GCKR: variants seen among roughly 807,000 people sequenced by gnomAD.
GCKR encodes glucokinase regulator, also known as glucokinase regulatory protein.
A neutral mutation model predicts 82.9 loss-of-function variants in GCKR; 73 were observed. The observed-to-expected ratio is 0.88, with a 90% CI of 0.73 to 1.07. The LOEUF is 1.07. GCKR is among the 50% of genes least tolerant of loss of function. The pLI is 0.00. For missense variants in GCKR, 784 were observed against 782.1 expected (o/e 1.00, Z -0.03); for synonymous variants, 294 against 291.8 (o/e 1.01, Z -0.08).
intron 12 of GCKR, 120 bp downstream of exon 12, chr2:27,507,005 C>A: frequency 1.3e-6 from 1 of 795,860 alleles, no homozygotes; most frequent in Non-Finnish European, 2.3e-6. Context: ...CCTTCCCTAT[C>A]TAAATAGGCA....
intron 2 of GCKR, 75 bp from the exon 3 acceptor site, chr2:27,497,487 C>A: frequency 2.5e-6 from 4 of 1,575,870 alleles, no homozygotes; most frequent in Non-Finnish European, 3.5e-6. Flanking sequence ...CTCCTAATAT[C>A]GGAAACCCTG....
At chr2:27,519,422 C>T (rs1670092895) in intron 17 of GCKR, among the ~76,000 whole-genome samples, 1 of 152,044 alleles carries the variant, frequency 6.6e-6, no homozygotes, top group South Asian at 2.1e-4. Context: ...CTGCCTCAGC[C>T]TCCCGAGTAG....
At chr2:27,522,895 CTG>C (rs1480713441) in intron 18 of GCKR, among the ~76,000 whole-genome samples, 2 of 128,142 alleles carry the variant, frequency 1.6e-5, no homozygotes, top group African/African-American at 3.0e-5. Flanking sequence ...CTCCAGGGTT[CTG>C]TTTTTTTTTT....
At chr2:27,507,548 T>C (rs1211167787) in intron 13 of GCKR, 133 bp from the exon 14 acceptor site, 22 of 712,678 alleles carry the variant, frequency 3.1e-5, no homozygotes, top group Non-Finnish European at 4.9e-5. Context: ...GGCAAAACAC[T>C]GTACCTTTTG....
intron 16 of GCKR, among the ~76,000 whole-genome samples, chr2:27,515,033 A>T (rs8179229): frequency 0.39 from 58,968 of 150,762 alleles, 11,751 homozygotes; most frequent in South Asian, 0.45. Context: ...GCTGGAGTGC[A>T]GTGATGTGAT....
At chr2:27,518,461 G>A (rs1250062492) in intron 16 of GCKR, among the ~76,000 whole-genome samples, 4 of 152,172 alleles carry the variant, frequency 2.6e-5, no homozygotes, top group Non-Finnish European at 5.9e-5. Context: ...TTAGTGGAAT[G>A]AATCCCACTC....
rs567193376 is a variant in GCKR at position 27,498,613 on chromosome 2, G to C, written c.355-111G>C. ...GAGATTCCATGTAGGACTGGGTTAA[G>C]CACTGGTCTAAGAGAATCATTATAT... On this transcript the variant is annotated intron_variant, in intron 4 of 18. Coordinates refer to ENST00000264717, the MANE Select transcript of GCKR (RefSeq NM_001486.4). 1.1e-3 allele frequency: 817 copies of C among 764,804 alleles called. 14 individuals carry two copies. The highest frequency in any genetic ancestry group is 9.8e-3 in the South Asian group (686 of 69,822). 47.4% of individuals were successfully genotyped at this position (764,804 alleles called of 1,614,324 possible).
At chr2:27,503,662 C>A in intron 9 of GCKR, 43 bp downstream of exon 9, 1 of 984,898 alleles carries the variant, frequency 1.0e-6, no homozygotes. Context: ...CCTCCAACAC[C>A]TGGGAACTGC....
chr2:27,506,781 T>C lies in GCKR; in HGVS notation c.969-7T>C. 1 of 1,588,420 alleles carries C rather than the reference T, an allele frequency of 6.3e-7. No individual in the cohort carries two copies. The highest frequency in any genetic ancestry group is 8.6e-7 in the Non-Finnish European group (1 of 1,156,606). Reference sequence around the variant, plus strand: ...CTCTCATGTCCTGACCTCTGACCCATTCTCAGTCTGGAGAAGAAAGGCCAC... The same window carrying C: ...CTCTCATGTCCTGACCTCTGACCCACTCTCAGTCTGGAGAAGAAAGGCCAC... On this transcript the variant is annotated splice_region_variant and splice_polypyrimidine_tract_variant and intron_variant, in intron 11 of 18. Coordinates refer to ENST00000264717, the MANE Select transcript of GCKR (RefSeq NM_001486.4).
At chr2:27,501,623 C>T in intron 8 of GCKR, 1 of 423,968 alleles carries the variant, frequency 2.4e-6, no homozygotes, top group Non-Finnish European at 4.9e-6. Flanking sequence ...TAGTGGGTGC[C>T]AGATGGCCTC....
At chr2:27,513,101 A>C (rs903267605) in intron 16 of GCKR, among the ~76,000 whole-genome samples, 1 of 152,158 alleles carries the variant, frequency 6.6e-6, no homozygotes, top group Non-Finnish European at 1.5e-5. Context: ...ATTCCTCAGC[A>C]ATCTTTCACC....
At chr2:27,498,183 T>C in intron 3 of GCKR, 72 bp from the exon 4 acceptor site, 2 of 1,180,898 alleles carry the variant, frequency 1.7e-6, no homozygotes, top group East Asian at 4.7e-5. Context: ...CTTGCATTAC[T>C]GACAAAGAAA....
chr2:27,510,203 G>T (rs1669849303), intron 16 of GCKR, among the ~76,000 whole-genome samples: 1 of 151,868 alleles, frequency 6.6e-6, no homozygotes, highest in Non-Finnish European at 1.5e-5. Flanking sequence ...TAGAGACGGG[G>T]TTTCACCGTG....
At chr2:27,505,125 CAAAAAAA>C (rs146563052) in intron 9 of GCKR, among the ~76,000 whole-genome samples, 1 of 25,440 alleles carries the variant, frequency 3.9e-5, no homozygotes, top group Non-Finnish European at 6.7e-5. Flanking sequence ...GACTCCATCT[CAAAAAAA>C]AAAAAAAAAA....
chr2:27,510,645 C>A (rs1470421812), intron 16 of GCKR, among the ~76,000 whole-genome samples: 1 of 152,122 alleles, frequency 6.6e-6, no homozygotes, highest in Non-Finnish European at 1.5e-5. Context: ...ATAAAAAAAT[C>A]TTTGCTAATC....
chr2:27,513,351 C>T (rs780092622), intron 16 of GCKR, among the ~76,000 whole-genome samples: 3 of 151,946 alleles, frequency 2.0e-5, no homozygotes, highest in Non-Finnish European at 4.4e-5. Flanking sequence ...GCCAGCATAG[C>T]AAAACCCCAT....
chr2:27,505,814 C>G lies in GCKR; in HGVS notation c.847C>G (p.Gln283Glu). 6.4e-7 allele frequency: 1 copy of G among 1,573,564 alleles called. No individual in the cohort carries two copies. Among genetic ancestry groups the G allele is most frequent in the Non-Finnish European group, 8.7e-7 (1 of 1,143,046 alleles). Residue 283 changes from glutamine (Q) to glutamate (E), a missense_variant, in exon 10 of 19, where the codon CAG (glutamine) becomes GAG (glutamate). Physicochemically the swap from Gln to Glu is conservative, Grantham distance 29. Coordinates refer to ENST00000264717, the MANE Select transcript of GCKR (RefSeq NM_001486.4). ...LLLAAHKTVD[Q>E]GIAASQRCLL... The stretch of plus-strand genomic sequence containing the variant: ...ATTAGCAGCCCATAAGACTGTGGAC[C>G]AGGGCATTGCAGCATCTCAAAGGTA...
At chr2:27,498,037 G>T (rs895992852) in intron 3 of GCKR, among the ~76,000 whole-genome samples, 16 of 152,310 alleles carry the variant, frequency 1.1e-4, no homozygotes, top group African/African-American at 2.6e-4. Context: ...GAGAAGTAAG[G>T]ATTTGAACAA....
chr2:27,505,345 G>C (rs1176769995), intron 9 of GCKR, among the ~76,000 whole-genome samples: 1 of 119,892 alleles, frequency 8.3e-6, no homozygotes, highest in Non-Finnish European at 1.7e-5. Context: ...GCAGTGAGCC[G>C]AGATCCTGCC....
Sources: gnomAD v4.1 joint callset for allele counts (sites outside exome capture counted in the v4.1 genomes callset) on GRCh38, gnomAD v4.1.1 for gene constraint, MANE v1.5 for transcripts, NCBI Gene and HGNC (gene_info 2026-07-23, HGNC 2026-07-21) for gene names.